The following CDH2 variants were observed in gnomAD, a reference collection of about 807,000 sequenced individuals.
The protein encoded by CDH2 is cadherin 2.
A neutral mutation model predicts 92.0 loss-of-function variants in CDH2; 17 were observed. That is an observed-to-expected ratio of 0.18 (90% CI 0.13 to 0.28). CDH2 has a LOEUF of 0.28. Among genes scored for constraint, CDH2 ranks in the 10% least tolerant of loss-of-function variants. CDH2 has a pLI of 1.00. For missense variants in CDH2, 862 were observed against 1,133.1 expected, an observed-to-expected ratio of 0.76 and a Z score of 3.44; for synonymous variants, 419 against 415.9, an observed-to-expected ratio of 1.01 and a Z score of -0.09.
At chr18:28,161,918 T>C (rs1044109316) in intron 1 of CDH2, among the ~76,000 whole-genome samples, 3 of 152,164 alleles carry the variant, frequency 2.0e-5, no homozygotes, top group African/African-American at 2.4e-5. Flanking sequence ...ACCTATGTCA[T>C]GCAAATATTG....
At chr18:28,120,098 C>T (rs2015561974) in intron 2 of CDH2, among the ~76,000 whole-genome samples, 2 of 151,994 alleles carry the variant, frequency 1.3e-5, no homozygotes, top group Non-Finnish European at 2.9e-5. Flanking sequence ...CTGTTTCACA[C>T]AGCCAAAACT....
chr18:27,954,454 G>C (rs150244654), intron 15 of CDH2: 7 of 152,190 alleles, frequency 4.6e-5, no homozygotes, highest in African/African-American at 7.2e-5. Flanking sequence ...AAAAGTACCC[G>C]CTTCAAGAAC....
chr18:27,943,910 G>A (rs1349904773), intron 6 of CDH2, among the ~76,000 whole-genome samples: 1 of 152,048 alleles, frequency 6.6e-6, no homozygotes, highest in Non-Finnish European at 1.5e-5. Context: ...TATGAAACTA[G>A]GTATTCCAGG....
chr18:28,077,684 A>G (rs1380315592), intron 2 of CDH2, among the ~76,000 whole-genome samples: 1 of 152,062 alleles, frequency 6.6e-6, no homozygotes, highest in African/African-American at 2.4e-5. Context: ...TGAGGTCAGG[A>G]TTTTGAGACC....
chr18:28,074,785 G>T (rs1288601653), intron 2 of CDH2, among the ~76,000 whole-genome samples: 1 of 149,962 alleles, frequency 6.7e-6, no homozygotes, highest in East Asian at 2.0e-4. Flanking sequence ...AAATTATGGG[G>T]TTCAGCCTAA....
chr18:27,942,261 T>C (rs1909156781), intron 6 of CDH2, among the ~76,000 whole-genome samples: 1 of 152,204 alleles, frequency 6.6e-6, no homozygotes, highest in Non-Finnish European at 1.5e-5. Flanking sequence ...CTTAAAAAGC[T>C]TTTTGAGAGT....
rs1198241818 is a variant in CDH2 at position 27,952,130 on chromosome 18, A to G, written c.*23T>C. 1 of 1,599,978 alleles carries G rather than the reference A, an allele frequency of 6.3e-7. No individual in the cohort carries two copies. Among genetic ancestry groups the G allele is most frequent in the South Asian group, 1.1e-5 (1 of 90,826 alleles). The stretch of plus-strand genomic sequence containing the variant: ...CAGTTGAAATTGTTTGTACTTGTCC[A>G]AAAACCAAGTTCACCCTGAAGTTCA... On this transcript the variant is annotated 3_prime_UTR_variant, in exon 16 of 16. Transcript: ENST00000269141.
At chr18:28,058,772 G>T (rs1226612606) in intron 2 of CDH2, among the ~76,000 whole-genome samples, 1 of 152,112 alleles carries the variant, frequency 6.6e-6, no homozygotes, top group Non-Finnish European at 1.5e-5. Flanking sequence ...CTGTTTTATA[G>T]ATTTGGACTT....
chr18:28,154,212 A>G (rs2144339775), intron 1 of CDH2, among the ~76,000 whole-genome samples: 1 of 152,306 alleles, frequency 6.6e-6, no homozygotes, highest in South Asian at 2.1e-4. Flanking sequence ...TATTCTGAAA[A>G]CTACACCTTC....
At chr18:28,028,867 C>T (rs1204299555) in intron 2 of CDH2, among the ~76,000 whole-genome samples, 1 of 152,076 alleles carries the variant, frequency 6.6e-6, no homozygotes, top group Non-Finnish European at 1.5e-5. Flanking sequence ...CAGCAATAAT[C>T]CTATGCTTTC....
In CDH2 at chr18:27,961,728, CTG is replaced by C. The variant is rs527556481; in HGVS notation, c.2514+1627_2514+1628del. Among the ~76,000 whole-genome samples the C allele has an allele frequency of 2.2e-3, 333 of 152,236 alleles. 5 individuals are homozygous for C. The highest frequency in any genetic ancestry group is 7.8e-3 in the African/African-American group (322 of 41,542). ...GGGATGGAATGAAATCCACAGAACACTGGTACTTCAGGGACAGGCAGAAATAT... is the reference window on the plus strand; with the variant it reads ...GGGATGGAATGAAATCCACAGAACACGTACTTCAGGGACAGGCAGAAATAT... On this transcript the variant is annotated intron_variant, in intron 15 of 15. Coordinates refer to ENST00000269141, the MANE Select transcript of CDH2 (RefSeq NM_001792.5).
chr18:27,999,174 C>T (rs1372541375), intron 7 of CDH2, among the ~76,000 whole-genome samples: 2 of 152,104 alleles, frequency 1.3e-5, no homozygotes, highest in Non-Finnish European at 2.9e-5. Context: ...AGAAAACTTC[C>T]TATTTGCACA....
chr18:28,051,318 A>C (rs185277797), intron 2 of CDH2, among the ~76,000 whole-genome samples: 1 of 152,202 alleles, frequency 6.6e-6, no homozygotes, highest in African/African-American at 2.4e-5. Context: ...GTGTAATACC[A>C]CAAAATAGAT....
chr18:28,006,920 T>TC (rs1185426677), intron 5 of CDH2, among the ~76,000 whole-genome samples: 1 of 150,956 alleles, frequency 6.6e-6, no homozygotes, highest in Non-Finnish European at 1.5e-5. Context: ...GCCTGTAATC[T>TC]CAGAACTTTG....
intron 2 of CDH2, among the ~76,000 whole-genome samples, chr18:28,085,224 C>T (rs1474217838): frequency 1.4e-4 from 22 of 152,006 alleles, no homozygotes; most frequent in Admixed American, 1.2e-3. Context: ...TCATTCCTCC[C>T]GCCACCGGCC....
At chr18:28,070,991 T>G (rs1160565481) in intron 2 of CDH2, among the ~76,000 whole-genome samples, 2 of 152,128 alleles carry the variant, frequency 1.3e-5, no homozygotes, top group East Asian at 3.9e-4. Context: ...TACCAATAAT[T>G]TGGAGATAAT....
downstream of CDH2, among the ~76,000 whole-genome samples, chr18:27,949,800 G>A (rs1412307811): frequency 6.6e-6 from 1 of 151,600 alleles, no homozygotes; most frequent in African/African-American, 2.4e-5. Flanking sequence ...AAAGAAAATA[G>A]TTGTTTATTA....
At chr18:28,099,571 T>C (rs1309153705) in intron 2 of CDH2, among the ~76,000 whole-genome samples, 1 of 152,018 alleles carries the variant, frequency 6.6e-6, no homozygotes, top group Non-Finnish European at 1.5e-5. Flanking sequence ...AAAATGACAA[T>C]TGGCAAGAAA....
intron 6 of CDH2, among the ~76,000 whole-genome samples, chr18:28,004,481 T>C (rs1329140825): frequency 6.6e-6 from 1 of 152,200 alleles, no homozygotes; most frequent in Non-Finnish European, 1.5e-5. Flanking sequence ...CTTCTAGCAA[T>C]AGCTGACAGT....
Sources: allele counts gnomAD v4.1 joint callset (sites outside exome capture counted in the v4.1 genomes callset), GRCh38; gene constraint gnomAD v4.1.1; transcripts MANE v1.5; gene names NCBI Gene and HGNC (gene_info 2026-07-23, HGNC 2026-07-21).